The following PRTFDC1 variants were observed in gnomAD, a reference collection of about 807,000 sequenced individuals.
The protein encoded by PRTFDC1 is phosphoribosyltransferase domain-containing protein 1.
Under a neutral mutation model 34.6 loss-of-function variants are expected in PRTFDC1, and 38 were observed. That is an observed-to-expected ratio of 1.10 (90% confidence interval 0.85 to 1.44). The LOEUF (loss-of-function observed/expected upper bound fraction) is 1.44. Ranked by LOEUF, PRTFDC1 falls within the 40% of genes most tolerant of loss-of-function variation. The pLI, the probability that PRTFDC1 is intolerant of heterozygous loss-of-function variation, is 0.00. For synonymous variants in PRTFDC1, 93 were observed against 98.1 expected, an observed-to-expected ratio of 0.95 and a Z score of 0.31; for missense variants, 270 against 283.0, an observed-to-expected ratio of 0.95 and a Z score of 0.33.
chr10:24,927,991 A>G (rs1347527507), intron 3 of PRTFDC1, among the ~76,000 whole-genome samples: 5 of 152,296 alleles, frequency 3.3e-5, no homozygotes, highest in Non-Finnish European at 4.4e-5. Flanking sequence ...AGGCGCTACC[A>G]ATTTTCACTA....
intron 2 of PRTFDC1, 31 bp from the exon 3 acceptor site, chr10:24,937,398 A>T: frequency 6.4e-7 from 1 of 1,571,018 alleles, no homozygotes; most frequent in Non-Finnish European, 8.7e-7. Context: ...ATATTAAGGC[A>T]CAACTACTTC....
chr10:24,937,244 G>A lies in PRTFDC1; in HGVS notation c.279C>T (p.Ser93=). The A allele has an allele frequency of 6.2e-7, 1 of 1,613,740 alleles. No individual in the cohort carries two copies. Among genetic ancestry groups the A allele is most frequent in the Non-Finnish European group, 8.5e-7 (1 of 1,179,950 alleles). Reference sequence around the variant, plus strand: ...TTGAGACAAATCGATCTGAATTTCGGCTGATGTTCTTAAGGTGTTCTACGA... The same window carrying A: ...TTGAGACAAATCGATCTGAATTTCGACTGATGTTCTTAAGGTGTTCTACGA... ...ADLVEHLKNI[S]RNSDRFVSMK... The change falls in exon 3 of 9, where the codon AGC becomes AGT. Residue 93 remains serine, a synonymous_variant. Coordinates refer to ENST00000320152, the MANE Select transcript of PRTFDC1 (RefSeq NM_020200.7).
chr10:24,893,100 C>T (rs993330745), intron 3 of PRTFDC1, among the ~76,000 whole-genome samples: 3 of 152,110 alleles, frequency 2.0e-5, no homozygotes, highest in Non-Finnish European at 4.4e-5. Context: ...TCCTATGTTA[C>T]ATAATGTTAT....
At chr10:24,941,742 TTTG>T (rs1343443582) in intron 2 of PRTFDC1, among the ~76,000 whole-genome samples, 70 of 152,304 alleles carry the variant, frequency 4.6e-4, no homozygotes, top group African/African-American at 1.6e-3. Flanking sequence ...AATGCAAGAA[TTTG>T]TTTAAATTAG....
chr10:24,852,400 G>C (rs1847506177), intron 7 of PRTFDC1, among the ~76,000 whole-genome samples: 1 of 152,078 alleles, frequency 6.6e-6, no homozygotes, highest in South Asian at 2.1e-4. Flanking sequence ...TGATCCATCC[G>C]CCTCAGTCTC....
intron 3 of PRTFDC1, among the ~76,000 whole-genome samples, chr10:24,900,877 G>A (rs888145103): frequency 6.6e-6 from 1 of 152,118 alleles, no homozygotes; most frequent in African/African-American, 2.4e-5. Context: ...TACCTAAAAA[G>A]GAAGAGCTCT....
chr10:24,882,414 G>A (rs1475047877), intron 3 of PRTFDC1, among the ~76,000 whole-genome samples: 3 of 152,000 alleles, frequency 2.0e-5, no homozygotes, highest in East Asian at 1.9e-4. Context: ...CACAGCAGCC[G>A]ACTTTCATCC....
chr10:24,855,874 G>C (rs1164287953), intron 6 of PRTFDC1, among the ~76,000 whole-genome samples: 2 of 152,078 alleles, frequency 1.3e-5, no homozygotes, highest in Non-Finnish European at 2.9e-5. Context: ...TGTAATTCCA[G>C]CACTTTGGGA....
chr10:24,880,643 G>C (rs769518628), intron 3 of PRTFDC1, among the ~76,000 whole-genome samples: 4 of 152,190 alleles, frequency 2.6e-5, no homozygotes, highest in Non-Finnish European at 4.4e-5. Context: ...AAGAAGGACT[G>C]CTGTCCCTCT....
chr10:24,855,296 C>A (rs567835526), intron 7 of PRTFDC1, 22 bp downstream of exon 7: 1 of 1,606,408 alleles, frequency 6.2e-7, no homozygotes, highest in Non-Finnish European at 8.5e-7. Context: ...AACAAACAAA[C>A]AAAAAACTGA....
At chr10:24,908,668 C>G in intron 3 of PRTFDC1, 4 of 1,607,964 alleles carry the variant, frequency 2.5e-6, no homozygotes, top group Non-Finnish European at 3.4e-6. Flanking sequence ...TGGTTGTCCT[C>G]TTCAACCGAG....
intron 3 of PRTFDC1, among the ~76,000 whole-genome samples, chr10:24,913,539 A>T (rs987772395): frequency 2.0e-5 from 3 of 152,228 alleles, no homozygotes; most frequent in Non-Finnish European, 2.9e-5. Context: ...CACCATGATC[A>T]TGACAACAAA....
chr10:24,855,333 C>T lies in PRTFDC1; in HGVS notation c.538G>A (p.Gly180Ser), dbSNP rs749512379. 3.8e-5 allele frequency: 62 copies of T among 1,613,832 alleles called. No homozygotes were observed. The highest frequency in any genetic ancestry group is 4.7e-5 in the Non-Finnish European group (55 of 1,179,932). The change falls in exon 7 of 9, where the codon GGC (glycine) becomes AGC (serine). Residue 180 changes from glycine (G) to serine (S), a missense_variant. Gly to Ser is a moderately conservative substitution (Grantham distance 56). Transcript: ENST00000320152. ...LLVKRTSRSD[G>S]FRPDYAGFEI... ...AAACACTTACAGTCAGGTCTAAAGC[C>T]GTCACTTCTGGATGTTCTCTTCACC...
At chr10:24,880,819 CTTTCTT>C (rs1565264443) in intron 3 of PRTFDC1, among the ~76,000 whole-genome samples, 7 of 89,512 alleles carry the variant, frequency 7.8e-5, no homozygotes, top group African/African-American at 3.2e-4. Flanking sequence ...CTTTCTCTTT[CTTTCTT>C]TCTTTCTTTC....
intron 3 of PRTFDC1, among the ~76,000 whole-genome samples, chr10:24,906,478 A>G (rs1464755536): frequency 1.3e-5 from 2 of 152,198 alleles, no homozygotes; most frequent in Admixed American, 1.3e-4. Context: ...ACACCCACAC[A>G]CACACAGTCC....
intron 6 of PRTFDC1, 78 bp from the exon 7 acceptor site, chr10:24,855,442 AG>A: frequency 3.9e-6 from 6 of 1,542,444 alleles, no homozygotes; most frequent in Non-Finnish European, 5.4e-6. Context: ...CATCATTAAA[AG>A]ATGTACTTGA....
intron 3 of PRTFDC1, among the ~76,000 whole-genome samples, chr10:24,929,044 A>AAT: frequency 9.4e-6 from 1 of 106,276 alleles, no homozygotes; most frequent in Non-Finnish European, 2.0e-5. Flanking sequence ...CCGTCTCAAA[A>AAT]AAAAAAAAAA....
intron 4 of PRTFDC1, among the ~76,000 whole-genome samples, chr10:24,864,452 C>A (rs1413014355): frequency 6.6e-6 from 1 of 152,088 alleles, no homozygotes; most frequent in Admixed American, 6.6e-5. Context: ...CTACAGCCAC[C>A]CCAACCTTCT....
intron 3 of PRTFDC1, among the ~76,000 whole-genome samples, chr10:24,872,815 T>A (rs1296369154): frequency 0.013 from 1,768 of 138,650 alleles, 55 homozygotes; most frequent in African/African-American, 0.046. Flanking sequence ...TATTTTTTTT[T>A]TTTTTTTTTT....
Sources: gnomAD v4.1 joint callset for allele counts (sites outside exome capture counted in the v4.1 genomes callset) on GRCh38, gnomAD v4.1.1 for gene constraint, MANE v1.5 for transcripts, NCBI Gene and HGNC (gene_info 2026-07-23, HGNC 2026-07-21) for gene names.